Variants in ACSF2 observed in about 807,000 individuals in gnomAD.
ACSF2 encodes medium-chain acyl-CoA ligase ACSF2, mitochondrial.
Under a neutral mutation model 79.3 loss-of-function variants are expected in ACSF2, and 52 were observed. The observed-to-expected ratio is 0.66, with a 90% CI of 0.53 to 0.83. The LOEUF (loss-of-function observed/expected upper bound fraction) is 0.83. Ranked by LOEUF, ACSF2 falls within the 40% of genes least tolerant of loss-of-function variation. ACSF2 has a pLI of 0.00. For missense variants in ACSF2, 661 were observed against 803.3 expected, an observed-to-expected ratio of 0.82 and a Z score of 2.14; for synonymous variants, 283 against 312.6, an observed-to-expected ratio of 0.91 and a Z score of 1.00.
chr17:50,467,209 T>A (rs1038237819), intron 10 of ACSF2, among the ~76,000 whole-genome samples: 2 of 152,000 alleles, frequency 1.3e-5, no homozygotes, highest in African/African-American at 4.8e-5. Context: ...AAGGAATGAG[T>A]GAGGATGCAG....
intron 10 of ACSF2, 50 bp downstream of exon 10, chr17:50,464,344 C>T (rs766889122): frequency 6.4e-7 from 1 of 1,573,464 alleles, no homozygotes; most frequent in East Asian, 2.2e-5. Context: ...CCTGGGATGA[C>T]AGCAGATGGA....
intron 11 of ACSF2, 49 bp from the exon 12 acceptor site, chr17:50,472,379 C>G: frequency 6.3e-7 from 1 of 1,590,286 alleles, no homozygotes; most frequent in Non-Finnish European, 8.5e-7. Context: ...GACCACCTAT[C>G]CTGAAGCAAG....
At chr17:50,437,670 T>C (rs898953480) in intron 1 of ACSF2, among the ~76,000 whole-genome samples, 1 of 151,740 alleles carries the variant, frequency 6.6e-6, no homozygotes, top group Non-Finnish European at 1.5e-5. Flanking sequence ...AAAAAAAAAG[T>C]TGGTCTTGAC....
At position 50,468,571 on chromosome 17, in the gene ACSF2, G is replaced by A. The variant is rs780250319; in HGVS notation, c.1216-2457G>A. 141 of 1,614,100 alleles carry A rather than the reference G, an allele frequency of 8.7e-5. 2 individuals carry two copies. The South Asian group carries it at 1.2e-3, about 14-fold the overall frequency. On this transcript the variant is annotated intron_variant, in intron 10 of 15. Transcript: ENST00000300441. ...CCTCGCGGATCTGGCAGTGCTGCAG[G>A]TGCAATGACACGAGGTTCGGCATGG...
At chr17:50,440,458 G>A (rs970562624) in intron 1 of ACSF2, among the ~76,000 whole-genome samples, 7 of 152,218 alleles carry the variant, frequency 4.6e-5, no homozygotes, top group African/African-American at 1.7e-4. Context: ...TGTAACAGGA[G>A]GCAAAACAAA....
chr17:50,462,476 T>G lies in ACSF2; in HGVS notation c.683T>G (p.Leu228Arg), dbSNP rs978475846. 4 of 1,613,104 alleles carry G rather than the reference T, an allele frequency of 2.5e-6. No individual in the cohort carries two copies. Among genetic ancestry groups the G allele is most frequent in the African/African-American group, 1.3e-5 (1 of 74,568 alleles). Residue 228 changes from leucine to arginine, a missense_variant, in exon 6 of 16, where the codon CTC becomes CGC. By Grantham distance (102) the Leu-to-Arg change is moderately radical. Transcript: ENST00000300441. ...GATGCCCCTTTGCCGGGGACCCTGC[T>G]CCTGGATGAAGTGGTGGCGGCTGGC... The part of the protein sequence containing the change: ...SVDAPLPGTL[L>R]LDEVVAAGST...
At chr17:50,438,853 T>G (rs899785497) in intron 1 of ACSF2, among the ~76,000 whole-genome samples, 1 of 152,066 alleles carries the variant, frequency 6.6e-6, no homozygotes, top group Non-Finnish European at 1.5e-5. Flanking sequence ...AGGCCTGAGC[T>G]ACCATACCTG....
chr17:50,464,776 G>GGGT (rs796126022), intron 10 of ACSF2: 3 of 332,262 alleles, frequency 9.0e-6, no homozygotes, highest in Non-Finnish European at 1.8e-5. Flanking sequence ...ACTTGGGGGG[G>GGGT]GGGTCTCAGC....
chr17:50,439,328 A>G (rs1178476824), intron 1 of ACSF2, among the ~76,000 whole-genome samples: 3 of 139,928 alleles, frequency 2.1e-5, no homozygotes, highest in Non-Finnish European at 4.5e-5. Context: ...TCCCACTTTG[A>G]CCTCCCAAAG....
chr17:50,454,862 C>G (rs2031896953), intron 1 of ACSF2, among the ~76,000 whole-genome samples: 1 of 151,958 alleles, frequency 6.6e-6, no homozygotes. Context: ...TTTTTTTCCC[C>G]CATAAATCAG....
rs1598437429 is a variant in ACSF2 at position 50,471,377 on chromosome 17, C to T, written c.1323+242C>T. 5.8e-6 allele frequency: 3 copies of T among 518,834 alleles called. No homozygotes were observed. In the East Asian group the frequency reaches 1.0e-4, roughly 17 times the overall value. The allele number at this position is 518,834 out of a possible 1,614,324, so 32.1% of individuals were successfully genotyped here. A position where few individuals can be genotyped will look rare whatever the true frequency, so the allele number is the denominator to read the frequency against. ...CCAGCTGAACTTCTCCGCGGCCTCC[C>T]TTCCTGTCTGAGGTGTGTTTTTGCC... is the stretch of plus-strand genomic sequence containing the variant. On this transcript the variant is annotated intron_variant, in intron 11 of 15. Coordinates refer to ENST00000300441, the MANE Select transcript of ACSF2 (RefSeq NM_025149.6). The surrounding 1 kb of genome is among the most constrained non-coding windows in gnomAD (Gnocchi z 4.1).
At position 50,426,369 on chromosome 17, in the gene ACSF2, G is replaced by A; in HGVS notation, c.108G>A (p.Leu36=). ...CTCGGAGTTGGCAGGAAGCCAGGTT[G>A]CAGGGTGTCCGCTTCCTCAGGTACT... is the stretch of plus-strand genomic sequence containing the variant. ...ALSRSWQEAR[L]QGVRFLSSRE... is the part of the protein sequence containing the mutation. The change falls in exon 1 of 16, where the codon TTG becomes TTA. Residue 36 remains leucine, a synonymous_variant. Transcript: ENST00000300441. 1 of 1,401,152 alleles carries A rather than the reference G, an allele frequency of 7.1e-7. No individual in the cohort carries two copies. 86.8% of individuals were successfully genotyped at this position (1,401,152 alleles called of 1,614,324 possible). A position where few individuals can be genotyped will look rare whatever the true frequency, so the allele number is the denominator to read the frequency against.
chr17:50,463,509 A>G lies in ACSF2; in HGVS notation c.1003A>G (p.Ile335Val). The change falls in exon 8 of 16, where the codon ATC becomes GTC. Residue 335 changes from isoleucine to valine, a missense_variant. Coordinates refer to ENST00000300441, the MANE Select transcript of ACSF2 (RefSeq NM_025149.6). The surrounding 1 kb of genome is among the most constrained non-coding windows in gnomAD (Gnocchi z 4.6). ...TGCCACCCTCATCCTGGCCTCTCCC[A>G]TCTTCAATGGCAAGAAGGCACTGGA... ...YGATLILASP[I>V]FNGKKALEAI... 6.2e-7 allele frequency: 1 copy of G among 1,614,132 alleles called. No homozygotes were observed.
chr17:50,442,299 C>T (rs777773601), intron 1 of ACSF2, among the ~76,000 whole-genome samples: 1 of 149,904 alleles, frequency 6.7e-6, no homozygotes, highest in African/African-American at 2.5e-5. Context: ...GAGTGAAACT[C>T]CATCCCAAAA....
At chr17:50,456,579 A>C (rs1423186504) in intron 1 of ACSF2, among the ~76,000 whole-genome samples, 1 of 151,890 alleles carries the variant, frequency 6.6e-6, no homozygotes, top group East Asian at 1.9e-4. Context: ...CTAAACATGC[A>C]AAATTAGCCG....
chr17:50,457,471 T>A (rs773512641), intron 1 of ACSF2, among the ~76,000 whole-genome samples: 1 of 152,144 alleles, frequency 6.6e-6, no homozygotes, highest in Non-Finnish European at 1.5e-5. Context: ...CCTTGGCAGA[T>A]CTCAGTAGAC....
chr17:50,434,548 T>C (rs11656294), intron 1 of ACSF2, among the ~76,000 whole-genome samples: 40,241 of 151,754 alleles, frequency 0.27, 5,504 homozygotes, highest in Middle Eastern at 0.34. Context: ...TAGCTGGGCA[T>C]GGTGGCATGC....
intron 1 of ACSF2, among the ~76,000 whole-genome samples, chr17:50,441,500 C>T (rs569302916): frequency 6.6e-6 from 1 of 152,296 alleles, no homozygotes; most frequent in Admixed American, 6.5e-5. Flanking sequence ...AGTCACAGGG[C>T]TCTGAAAAGA....
intron 1 of ACSF2, among the ~76,000 whole-genome samples, chr17:50,442,541 C>T (rs145422055): frequency 6.6e-6 from 1 of 152,184 alleles, no homozygotes; most frequent in African/African-American, 2.4e-5. Context: ...TCATGGCTCA[C>T]TGCAGCCTTG....
Sources: allele counts gnomAD v4.1 joint callset (sites outside exome capture counted in the v4.1 genomes callset), GRCh38; gene constraint gnomAD v4.1.1; non-coding constraint Gnocchi (gnomAD v3.1); transcripts MANE v1.5; gene names NCBI Gene and HGNC (gene_info 2026-07-23, HGNC 2026-07-21).